The following NBPF12 variants were observed in gnomAD, a reference collection of about 807,000 sequenced individuals.
NBPF12 encodes the protein NBPF member 12, also known as NBPF family member NBPF12.
Under a neutral mutation model 146.4 loss-of-function variants are expected in NBPF12, and 115 were observed. The observed-to-expected ratio is 0.79, with a 90% CI of 0.68 to 0.92. NBPF12 has a LOEUF of 0.92. Among genes scored for constraint, NBPF12 ranks in the 40% least tolerant of loss-of-function variants. The pLI, the probability that NBPF12 is intolerant of heterozygous loss-of-function variation, is 0.00. For synonymous variants in NBPF12, 385 were observed against 508.9 expected (o/e 0.76, Z 3.28); for missense variants, 1,205 against 1,326.8 (o/e 0.91, Z 1.43).
At chr1:146,994,380 C>G in exon 34 of NBPF12, 1 of 1,612,406 alleles carries the variant, frequency 6.2e-7, no homozygotes, top group Non-Finnish European at 8.5e-7. Flanking sequence ...TCTTGCAGGA[C>G]TCACTGGATA....
intron 12 of NBPF12, among the ~76,000 whole-genome samples, 160 bp downstream of exon 15, chr1:146,970,879 G>C (rs1212931652): frequency 6.6e-6 from 1 of 151,530 alleles, no homozygotes; most frequent in Admixed American, 6.6e-5. Context: ...GGCAGCTGTC[G>C]TGTTTCTGTA....
Position 146,965,313 on chromosome 1 carries a change from T to A in NBPF12, c.778+209T>A, listed in dbSNP as rs1553885485. Reference sequence around the variant, plus strand: ...TCAGGAGTTGAAGACCAGCCTGGAGTATATGGTGAAACCCATCTTTACGAA... The same window carrying A: ...TCAGGAGTTGAAGACCAGCCTGGAGAATATGGTGAAACCCATCTTTACGAA... On this transcript the variant is annotated intron_variant, in intron 8 of 33. Transcript: ENST00000617844. Among the ~76,000 whole-genome samples, 763 of 144,542 alleles carry A rather than the reference T, an allele frequency of 5.3e-3. 6 individuals carry two copies. The highest frequency in any genetic ancestry group is 0.018 in the African/African-American group (703 of 38,494). The allele number at this position is 144,542 out of a possible 152,430, so 94.8% of individuals were successfully genotyped here. A position where few individuals can be genotyped will look rare whatever the true frequency, so the allele number is the denominator to read the frequency against.
At chr1:146,954,383 CTGTCTCAAAAAAAAAA>C (rs1194293888) in intron 2 of NBPF12, among the ~76,000 whole-genome samples, 2 of 53,992 alleles carry the variant, frequency 3.7e-5, no homozygotes, top group African/African-American at 1.2e-4. Flanking sequence ...GAGCAAGACT[CTGTCTCAAAAAAAAAA>C]AAAAAAAAAA....
intron 19 of NBPF12, among the ~76,000 whole-genome samples, chr1:146,982,631 G>C (rs1391223272): frequency 6.6e-6 from 1 of 151,502 alleles, no homozygotes; most frequent in Non-Finnish European, 1.5e-5. Flanking sequence ...TTGAAGCCCT[G>C]TGTCAGTTCT....
intron 4 of NBPF12, among the ~76,000 whole-genome samples, chr1:146,960,873 C>A (rs1655803234): frequency 2.0e-5 from 3 of 152,028 alleles, no homozygotes; most frequent in African/African-American, 7.3e-5. Context: ...AGGGGCCGTG[C>A]AGCATGGCTC....
intron 13 of NBPF12, among the ~76,000 whole-genome samples, chr1:146,972,046 C>A (rs1489470723): frequency 6.8e-6 from 1 of 147,846 alleles, no homozygotes; most frequent in Admixed American, 6.7e-5. Flanking sequence ...CGAGATTGTG[C>A]CACTGCACTC....
intron 14 of NBPF12, among the ~76,000 whole-genome samples, chr1:146,973,916 G>A (rs1173560566): frequency 6.6e-6 from 1 of 150,672 alleles, no homozygotes; most frequent in Non-Finnish European, 1.5e-5. Flanking sequence ...GAGAATGTGT[G>A]GAGGTAGCAG....
At chr1:146,962,305 A>T (rs1559519934) in intron 5 of NBPF12, 42 bp downstream of exon 8, 19 of 1,503,434 alleles carry the variant, frequency 1.3e-5, no homozygotes, top group Admixed American at 1.7e-5. Context: ...GTAGGTGTGT[A>T]GATCTCTGAA....
Position 146,949,858 on chromosome 1 carries a change from C to A in NBPF12, c.-326+436C>A, listed in dbSNP as rs1277578297. On this transcript the variant is annotated intron_variant, in intron 1 of 33. Transcript: ENST00000617844. ...CTTACCTGTCTGTTTCATCTTTCAA[C>A]CAATAACAACTTATGGAGTCCTTCT... 9.4e-3 allele frequency among the ~76,000 whole-genome samples: 1,421 copies of A among 151,956 alleles called. 26 individuals carry two copies. The highest frequency in any genetic ancestry group is 0.033 in the African/African-American group (1,345 of 41,298).
intron 4 of NBPF12, among the ~76,000 whole-genome samples, chr1:146,961,172 A>G (rs1165589252): frequency 2.6e-5 from 4 of 151,992 alleles, no homozygotes; most frequent in African/African-American, 9.7e-5. Context: ...GGATAAATAA[A>G]TCAAAAATAA....
At chr1:146,944,702 T>TA (rs1366799865), upstream of NBPF12, among the ~76,000 whole-genome samples, 1 of 148,046 alleles carries the variant, frequency 6.8e-6, no homozygotes, top group Non-Finnish European at 1.5e-5. Context: ...CTCTCTCTAA[T>TA]AACTAGTTAG....
chr1:146,971,472 A>C (rs1656606584), intron 13 of NBPF12, 78 bp downstream of exon 16: 1 of 1,150,198 alleles, frequency 8.7e-7, no homozygotes, highest in South Asian at 1.3e-5. Flanking sequence ...CTGTATATAC[A>C]CATATTGTTA....
intron 6 of NBPF12, among the ~76,000 whole-genome samples, 155 bp downstream of exon 9, chr1:146,963,464 A>C (rs1435347239): frequency 6.6e-6 from 1 of 152,042 alleles, no homozygotes. Context: ...TAAGAACAGA[A>C]ATGGGAAACC....
chr1:146,942,437 T>TA (rs1340562563), intron 1 of NBPF12, among the ~76,000 whole-genome samples: 1 of 151,872 alleles, frequency 6.6e-6, no homozygotes, highest in Admixed American at 6.6e-5. Context: ...TCCTGGAAAT[T>TA]AGAGATTTTG....
chr1:146,981,092 G>T (rs1294067201), intron 19 of NBPF12, among the ~76,000 whole-genome samples: 2 of 135,538 alleles, frequency 1.5e-5, no homozygotes, highest in Non-Finnish European at 1.5e-5. Flanking sequence ...AGAACACAAG[G>T]ACACAGGAAG....
intron 5 of NBPF12, among the ~76,000 whole-genome samples, chr1:146,962,511 C>G (rs1655919116): frequency 1.3e-5 from 2 of 151,774 alleles, no homozygotes; most frequent in Admixed American, 1.3e-4. Flanking sequence ...TTACATAACA[C>G]AAAATTCACC....
chr1:146,972,309 G>T lies in NBPF12; in HGVS notation c.1592-442G>T, dbSNP rs1239207009. On this transcript the variant is annotated intron_variant, in intron 13 of 33. Coordinates refer to ENST00000617844, the Ensembl canonical transcript of NBPF12. Reference sequence around the variant, plus strand: ...CTTGGCAGGCTGAGTGATGAGAATCGCTTGAACCCGGGAGGCAGAGGTGGC... The same window carrying T: ...CTTGGCAGGCTGAGTGATGAGAATCTCTTGAACCCGGGAGGCAGAGGTGGC... Among the ~76,000 whole-genome samples the T allele has an allele frequency of 2.6e-5, 4 of 151,150 alleles. No individual in the cohort carries two copies. In the East Asian group the frequency reaches 7.7e-4, roughly 29 times the overall value.
chr1:146,941,866 AT>A (rs1187076809), intron 1 of NBPF12, among the ~76,000 whole-genome samples: 6 of 146,214 alleles, frequency 4.1e-5, no homozygotes, highest in East Asian at 2.0e-4. Context: ...TAGTTTTTGC[AT>A]TTTTTTTTTC....
At chr1:146,940,476 A>T (rs1654748866) in intron 1 of NBPF12, among the ~76,000 whole-genome samples, 1 of 151,854 alleles carries the variant, frequency 6.6e-6, no homozygotes, top group East Asian at 1.9e-4. Context: ...TGGTCAACAG[A>T]GCCCGGGAGG....
Sources: allele counts gnomAD v4.1 joint callset (sites outside exome capture counted in the v4.1 genomes callset), GRCh38; gene constraint gnomAD v4.1.1; transcripts MANE v1.5; gene names NCBI Gene and HGNC (gene_info 2026-07-23, HGNC 2026-07-21).